The following PTPRQ variants were observed in gnomAD, a reference collection of about 807,000 sequenced individuals.
PTPRQ encodes the protein phosphatidylinositol phosphatase PTPRQ.
A neutral mutation model predicts 246.0 loss-of-function variants in PTPRQ; 199 were observed. That is an observed-to-expected ratio of 0.81 (90% confidence interval 0.72 to 0.91). PTPRQ has a LOEUF of 0.91. Ranked by LOEUF, PTPRQ falls within the 40% of genes least tolerant of loss-of-function variation. The pLI is 0.00. For synonymous variants in PTPRQ, 869 were observed against 853.2 expected, an observed-to-expected ratio of 1.02 and a Z score of -0.32; for missense variants, 2,624 against 2,528.4, an observed-to-expected ratio of 1.04 and a Z score of -0.81.
intron 25 of PTPRQ, among the ~76,000 whole-genome samples, chr12:80,571,321 G>T (rs1043651938): frequency 6.6e-6 from 1 of 152,188 alleles, no homozygotes; most frequent in African/African-American, 2.4e-5. Flanking sequence ...TATATTTTTA[G>T]TAGAGACAGG....
chr12:80,670,836 A>T (rs920233977), intron 42 of PTPRQ, among the ~76,000 whole-genome samples: 1 of 152,020 alleles, frequency 6.6e-6, no homozygotes, highest in Non-Finnish European at 1.5e-5. Context: ...TTATTATCTA[A>T]TGGGTACAGA....
In PTPRQ at chr12:80,679,906, G is replaced by T. The variant is rs1486346331; in HGVS notation, c.*883G>T. The T allele has an allele frequency of 6.6e-6, 1 of 151,824 alleles. No individual in the cohort carries two copies. The highest frequency in any genetic ancestry group is 1.5e-5 in the Non-Finnish European group (1 of 67,892). The allele number at this position is 151,824 out of a possible 1,614,324, so 9.4% of individuals were successfully genotyped here. ...AAAACACTGTGCGTGTTTCAAGCTT[G>T]TAAACCAATGATGTGCTGCTGTGGT... On this transcript the variant is annotated 3_prime_UTR_variant, in exon 45 of 45. Coordinates refer to ENST00000644991, the MANE Select transcript of PTPRQ (RefSeq NM_001145026.2).
intron 6 of PTPRQ, 74 bp from the exon 7 acceptor site, chr12:80,468,636 T>C: frequency 1.5e-6 from 2 of 1,314,292 alleles, no homozygotes; most frequent in South Asian, 2.2e-5. Flanking sequence ...CTTTGTGTTT[T>C]ATTATGTGTA....
intron 6 of PTPRQ, among the ~76,000 whole-genome samples, chr12:80,467,138 A>G (rs1247543623): frequency 6.6e-6 from 1 of 152,234 alleles, no homozygotes; most frequent in African/African-American, 2.4e-5. Context: ...CAGAATCTAC[A>G]ATGAACTCAA....
chr12:80,522,493 G>A (rs1225954277), intron 17 of PTPRQ, among the ~76,000 whole-genome samples: 1 of 152,078 alleles, frequency 6.6e-6, no homozygotes, highest in African/African-American at 2.4e-5. Context: ...GATATTGGCT[G>A]TGGGTTTGTC....
Position 80,445,658 on chromosome 12 carries a change from C to A in PTPRQ, c.331C>A (p.Pro111Thr). ...QTVYTQVRSK[P>T]DSLEVLLTNL... Reference sequence around the variant, plus strand: ...AGTATATACACAAGTCAGATCAAAGCCAGACAGTCTGGAAGTTCTTCTTAC... The same window carrying A: ...AGTATATACACAAGTCAGATCAAAGACAGACAGTCTGGAAGTTCTTCTTAC... The change falls in exon 3 of 45, where the codon CCA (proline) becomes ACA (threonine). Residue 111 changes from proline to threonine, a missense_variant. Physicochemically the swap from Pro to Thr is conservative, Grantham distance 38 (BLOSUM62 -1). Coordinates refer to ENST00000644991, the MANE Select transcript of PTPRQ (RefSeq NM_001145026.2). 6.5e-7 allele frequency: 1 copy of A among 1,549,950 alleles called. No homozygotes were observed. Among genetic ancestry groups the A allele is most frequent in the Non-Finnish European group, 8.7e-7 (1 of 1,145,796 alleles).
At chr12:80,621,243 A>C (rs1425296226) in intron 32 of PTPRQ, among the ~76,000 whole-genome samples, 1 of 151,940 alleles carries the variant, frequency 6.6e-6, no homozygotes, top group Non-Finnish European at 1.5e-5. Context: ...TATTGCCTGA[A>C]TAGCTATACA....
intron 17 of PTPRQ, among the ~76,000 whole-genome samples, chr12:80,519,511 A>G (rs945148706): frequency 6.6e-6 from 1 of 152,176 alleles, no homozygotes; most frequent in Admixed American, 6.5e-5. Context: ...GTGTGCCTCC[A>G]GCAAAGACCG....
At chr12:80,523,524 A>C (rs1303645311) in intron 17 of PTPRQ, among the ~76,000 whole-genome samples, 1 of 152,134 alleles carries the variant, frequency 6.6e-6, no homozygotes, top group East Asian at 1.9e-4. Context: ...TTCCCTCTAC[A>C]CACTGCTTTG....
At chr12:80,645,939 C>T (rs1229949244) in intron 35 of PTPRQ, among the ~76,000 whole-genome samples, 1 of 151,948 alleles carries the variant, frequency 6.6e-6, no homozygotes, top group African/African-American at 2.4e-5. Context: ...TTATTATGGT[C>T]ATTGTATTAG....
At chr12:80,657,946 A>C in intron 38 of PTPRQ, 39 bp from the exon 39 acceptor site, 4 of 1,331,484 alleles carry the variant, frequency 3.0e-6, no homozygotes, top group Non-Finnish European at 4.0e-6. Context: ...TAACAATTTA[A>C]AAAGCCAATT....
At chr12:80,627,824 T>A (rs556493855) in intron 33 of PTPRQ, among the ~76,000 whole-genome samples, 7 of 152,274 alleles carry the variant, frequency 4.6e-5, no homozygotes, top group African/African-American at 1.7e-4. Context: ...AGAAGTGACA[T>A]CATTCTCTAC....
At chr12:80,494,786 A>T in intron 10 of PTPRQ, 147 bp from the exon 11 acceptor site, 1 of 676,850 alleles carries the variant, frequency 1.5e-6, no homozygotes, top group Non-Finnish European at 2.2e-6. Context: ...TACTATTATT[A>T]CACACCTAAC....
intron 26 of PTPRQ, among the ~76,000 whole-genome samples, chr12:80,599,593 T>C (rs1898076554): frequency 1.3e-5 from 2 of 151,916 alleles, no homozygotes; most frequent in African/African-American, 4.8e-5. Flanking sequence ...AATAGTTTAC[T>C]ATATGCTGTG....
intron 39 of PTPRQ, among the ~76,000 whole-genome samples, chr12:80,664,757 A>G (rs1900734814): frequency 6.6e-6 from 1 of 151,980 alleles, no homozygotes; most frequent in African/African-American, 2.4e-5. Flanking sequence ...GTCATCAATT[A>G]ACTACTCAGA....
At chr12:80,487,854 C>T (rs745845572) in intron 9 of PTPRQ, among the ~76,000 whole-genome samples, 98 of 152,082 alleles carry the variant, frequency 6.4e-4, no homozygotes, top group Non-Finnish European at 1.2e-3. Context: ...CAATTATAAT[C>T]GCGCAGTTTC....
chr12:80,489,289 G>T (rs555108621), intron 9 of PTPRQ, among the ~76,000 whole-genome samples: 1 of 152,108 alleles, frequency 6.6e-6, no homozygotes, highest in South Asian at 2.1e-4. Flanking sequence ...CAGGAAAAAT[G>T]TTCCAATCCT....
chr12:80,680,113 G>A lies in PTPRQ; in HGVS notation c.*1090G>A, dbSNP rs142943316. On this transcript the variant is annotated 3_prime_UTR_variant, in exon 45 of 45. Coordinates refer to ENST00000644991, the MANE Select transcript of PTPRQ (RefSeq NM_001145026.2). ...TTATTAAATAGTGACAATGTGGTAA[G>A]TTTTGAATTACATGAACTCATTTTG... 2.3e-3 allele frequency: 351 copies of A among 151,792 alleles called. 5 individuals are homozygous for A. Among genetic ancestry groups the A allele is most frequent in the African/African-American group, 7.6e-3 (315 of 41,480 alleles). The allele number at this position is 151,792 out of a possible 1,614,324, so 9.4% of individuals were successfully genotyped here.
At chr12:80,561,091 C>G (rs964287327) in intron 25 of PTPRQ, 2 of 152,428 alleles carry the variant, frequency 1.3e-5, no homozygotes, top group African/African-American at 4.8e-5. Context: ...ATTCATATTT[C>G]TCTGCTAGTT....
Sources: gnomAD v4.1 joint callset for allele counts (sites outside exome capture counted in the v4.1 genomes callset) on GRCh38, gnomAD v4.1.1 for gene constraint, MANE v1.5 for transcripts, NCBI Gene and HGNC (gene_info 2026-07-23, HGNC 2026-07-21) for gene names.